The following PSMB7 variants were observed in gnomAD, a reference collection of about 807,000 sequenced individuals.
PSMB7 encodes proteasome subunit beta type-7.
Under a neutral mutation model 28.1 loss-of-function variants are expected in PSMB7, and 5 were observed. That is an observed-to-expected ratio of 0.18 (90% CI 0.09 to 0.37). The LOEUF is 0.37. Among genes scored for constraint, PSMB7 ranks in the 10% least tolerant of loss-of-function variants. The pLI, the probability that PSMB7 is intolerant of heterozygous loss-of-function variation, is 1.00. For missense variants in PSMB7, 275 were observed against 346.2 expected (o/e 0.79, Z 1.63); for synonymous variants, 122 against 123.7 (o/e 0.99, Z 0.09).
chr9:124,382,746 G>A (rs1564680337), intron 6 of PSMB7, among the ~76,000 whole-genome samples: 1 of 152,164 alleles, frequency 6.6e-6, no homozygotes, highest in Non-Finnish European at 1.5e-5. Flanking sequence ...AAAGGATGCT[G>A]ACATTCCCCT....
chr9:124,360,670 G>A (rs1009537354), intron 6 of PSMB7, among the ~76,000 whole-genome samples: 1 of 152,324 alleles, frequency 6.6e-6, no homozygotes, highest in East Asian at 1.9e-4. Context: ...TGACCCTGAC[G>A]ATTAAACACC....
At chr9:124,357,939 A>T (rs932593002) in intron 6 of PSMB7, among the ~76,000 whole-genome samples, 5 of 152,224 alleles carry the variant, frequency 3.3e-5, no homozygotes, top group African/African-American at 1.2e-4. Flanking sequence ...AACAGCAGTG[A>T]AACAGAAGGC....
chr9:124,357,672 C>T (rs1830422984), intron 6 of PSMB7, among the ~76,000 whole-genome samples: 1 of 152,210 alleles, frequency 6.6e-6, no homozygotes, highest in Non-Finnish European at 1.5e-5. Context: ...TGGACTCATC[C>T]CTTTCTTATC....
At chr9:124,387,509 T>TTA (rs1830737704) in intron 5 of PSMB7, among the ~76,000 whole-genome samples, 1 of 149,638 alleles carries the variant, frequency 6.7e-6, no homozygotes, top group African/African-American at 2.6e-5. Context: ...ACACTCTCTC[T>TTA]CTCGAGAAAT....
At chr9:124,374,878 A>G (rs1830594425) in intron 6 of PSMB7, among the ~76,000 whole-genome samples, 1 of 152,190 alleles carries the variant, frequency 6.6e-6, no homozygotes, top group Non-Finnish European at 1.5e-5. Context: ...ACGGTGGCTC[A>G]TGCCCGTAAT....
intron 5 of PSMB7, among the ~76,000 whole-genome samples, chr9:124,402,102 T>C (rs1830916372): frequency 6.6e-6 from 1 of 152,056 alleles, no homozygotes; most frequent in South Asian, 2.1e-4. Context: ...AAATCAGATG[T>C]TACTGATGTC....
chr9:124,413,480 C>T (rs186350029), intron 3 of PSMB7, among the ~76,000 whole-genome samples: 1 of 152,050 alleles, frequency 6.6e-6, no homozygotes, highest in East Asian at 1.9e-4. Context: ...AAAGGGATGC[C>T]ATCAGATCTA....
At chr9:124,379,306 C>T (rs1288626496) in intron 6 of PSMB7, among the ~76,000 whole-genome samples, 3 of 152,180 alleles carry the variant, frequency 2.0e-5, no homozygotes, top group South Asian at 4.1e-4. Context: ...GTGTTTAACA[C>T]CTTTTTATCC....
At chr9:124,388,743 A>G (rs906463021) in intron 5 of PSMB7, among the ~76,000 whole-genome samples, 2 of 152,124 alleles carry the variant, frequency 1.3e-5, no homozygotes, top group African/African-American at 4.8e-5. Flanking sequence ...CACGCTGCCC[A>G]TGATTTCCTA....
intron 6 of PSMB7, among the ~76,000 whole-genome samples, chr9:124,376,012 G>C (rs1014712006): frequency 6.6e-6 from 1 of 152,188 alleles, no homozygotes; most frequent in Non-Finnish European, 1.5e-5. Context: ...TATGCCGCTT[G>C]TCAGGGCTCC....
intron 6 of PSMB7, among the ~76,000 whole-genome samples, 180 bp from the exon 7 acceptor site, chr9:124,357,095 G>A (rs1025927364): frequency 6.6e-6 from 1 of 152,104 alleles, no homozygotes; most frequent in Non-Finnish European, 1.5e-5. Flanking sequence ...CAAAGTTCCC[G>A]ACCCAGGCCT....
rs928516919 is a variant in PSMB7 at position 124,382,113 on chromosome 9, A to C, written c.570+2485T>G. The stretch of plus-strand genomic sequence containing the variant: ...GTCTCTACAAGAATTGCTTGAACCC[A>C]GGAGGCAGAGGTTGCAGTGAGCCGA... On this transcript the variant is annotated intron_variant, in intron 6 of 7. Coordinates refer to ENST00000259457, the MANE Select transcript of PSMB7 (RefSeq NM_002799.4). Among the ~76,000 whole-genome samples, 6 of 148,324 alleles carry C rather than the reference A, an allele frequency of 4.0e-5. No homozygotes were observed. In the South Asian group the frequency reaches 1.3e-3, roughly 33 times the overall value.
At chr9:124,404,386 C>T (rs1219209253) in intron 5 of PSMB7, among the ~76,000 whole-genome samples, 7 of 152,296 alleles carry the variant, frequency 4.6e-5, no homozygotes, top group African/African-American at 1.4e-4. Context: ...AACTATAGTA[C>T]AATATCATCT....
intron 5 of PSMB7, 136 bp downstream of exon 5, chr9:124,405,181 A>G: frequency 1.6e-6 from 1 of 609,920 alleles, no homozygotes; most frequent in Non-Finnish European, 2.9e-6. Context: ...CTATAGTAGG[A>G]ACTCAGTATA....
At chr9:124,366,566 G>C (rs1313165590) in intron 6 of PSMB7, among the ~76,000 whole-genome samples, 1 of 152,228 alleles carries the variant, frequency 6.6e-6, no homozygotes, top group Non-Finnish European at 1.5e-5. Context: ...TTTTCTGTGT[G>C]TAAATTTAGT....
intron 3 of PSMB7, among the ~76,000 whole-genome samples, chr9:124,413,086 CGGGA>C (rs557342473): frequency 8.6e-5 from 11 of 127,878 alleles, no homozygotes; most frequent in Admixed American, 2.9e-4. Flanking sequence ...GAGACCCAGG[CGGGA>C]GGATCACTTG....
chr9:124,390,667 A>T (rs1337141371), intron 5 of PSMB7, among the ~76,000 whole-genome samples: 1 of 152,138 alleles, frequency 6.6e-6, no homozygotes, highest in Non-Finnish European at 1.5e-5. Context: ...TATTAAGCTT[A>T]TTTCTGGGTG....
At chr9:124,393,464 C>G (rs1487650819) in intron 5 of PSMB7, among the ~76,000 whole-genome samples, 2 of 152,188 alleles carry the variant, frequency 1.3e-5, no homozygotes, top group Non-Finnish European at 2.9e-5. Flanking sequence ...TTTTCATCAG[C>G]AAATGTACCT....
chr9:124,411,788 G>A (rs1408948537), intron 4 of PSMB7, among the ~76,000 whole-genome samples: 1 of 152,222 alleles, frequency 6.6e-6, no homozygotes, highest in African/African-American at 2.4e-5. Flanking sequence ...ACAAATAGGA[G>A]ACGCTAATAG....
Sources: allele counts gnomAD v4.1 joint callset (sites outside exome capture counted in the v4.1 genomes callset), GRCh38; gene constraint gnomAD v4.1.1; transcripts MANE v1.5; gene names NCBI Gene and HGNC (gene_info 2026-07-23, HGNC 2026-07-21).